TBCD: variants seen among roughly 807,000 people sequenced by gnomAD.
The protein encoded by TBCD is tubulin folding cofactor D.
TBCD carries 105 observed loss-of-function variants against 169.3 expected under a neutral mutation model. That is an observed-to-expected ratio of 0.62 (90% confidence interval 0.53 to 0.73). The LOEUF (loss-of-function observed/expected upper bound fraction) is 0.73, where lower values mean the gene tolerates loss of function less well. Ranked by LOEUF, TBCD falls within the 30% of genes least tolerant of loss-of-function variation. The probability of loss-of-function intolerance (pLI) is 0.00; values close to 1 mark genes in which losing one functional copy is unlikely to be tolerated. For missense variants in TBCD, 1,444 were observed against 1,600.1 expected (o/e 0.90, Z 1.66); for synonymous variants, 700 against 643.9 (o/e 1.09, Z -1.32).
chr17:82,824,549 C>T (rs1053698070), intron 13 of TBCD, among the ~76,000 whole-genome samples: 1 of 152,094 alleles, frequency 6.6e-6, no homozygotes, highest in African/African-American at 2.4e-5. Flanking sequence ...TGGCTATTCA[C>T]AGGCCCAATC....
intron 1 of TBCD, among the ~76,000 whole-genome samples, chr17:82,752,751 G>C (rs1598353477): frequency 6.6e-6 from 1 of 152,218 alleles, no homozygotes; most frequent in African/African-American, 2.4e-5. Flanking sequence ...CCTCCGGACA[G>C]CTGGTCAGCC....
In TBCD at chr17:82,938,148, C is replaced by T. The variant is rs773656801; in HGVS notation, c.3369+12C>T. The T allele has an allele frequency of 9.3e-6, 15 of 1,609,850 alleles. 1 individual carries two copies. In the Admixed American group the frequency reaches 2.5e-4, roughly 27 times the overall value. ...ACCGTTTCCCGCTGGTGAGTGCCTG[C>T]CCCTGCTCACGTGTGTTTGCCGTGT... On this transcript the variant is annotated intron_variant, in intron 36 of 38. Transcript: ENST00000355528.
At chr17:82,801,782 G>A (rs1454442586) in intron 9 of TBCD, among the ~76,000 whole-genome samples, 30 of 144,042 alleles carry the variant, frequency 2.1e-4, no homozygotes, top group African/African-American at 7.3e-4. Context: ...GGAGGGCGGC[G>A]TGTGCATCGT....
chr17:82,797,886 C>A (rs1401390139), intron 8 of TBCD, 84 bp downstream of exon 8: 1 of 994,700 alleles, frequency 1.0e-6, no homozygotes, highest in Non-Finnish European at 1.4e-6. Flanking sequence ...ACATTTTATT[C>A]ATAGATATAG....
At chr17:82,892,444 A>G (rs997255085) in intron 16 of TBCD, among the ~76,000 whole-genome samples, 2 of 152,006 alleles carry the variant, frequency 1.3e-5, no homozygotes, top group East Asian at 1.9e-4. Flanking sequence ...AGTTTATGGT[A>G]TCTCCATCAG....
intron 37 of TBCD, among the ~76,000 whole-genome samples, chr17:82,940,449 C>G (rs1397121755): frequency 6.6e-6 from 1 of 152,178 alleles, no homozygotes; most frequent in Non-Finnish European, 1.5e-5. Context: ...GGGTCCACGC[C>G]CCTTGTTGAA....
At chr17:82,859,632 T>C in intron 13 of TBCD, 2 of 984,948 alleles carry the variant, frequency 2.0e-6, no homozygotes, top group Non-Finnish European at 2.4e-6. Context: ...GGACAAAGAG[T>C]GGAGGTTGGA....
intron 7 of TBCD, among the ~76,000 whole-genome samples, chr17:82,791,193 G>A (rs1282186834): frequency 2.0e-5 from 3 of 149,048 alleles, no homozygotes; most frequent in South Asian, 4.3e-4. Context: ...CCGGGTTCAC[G>A]CCATTCTCCT....
intron 20 of TBCD, among the ~76,000 whole-genome samples, chr17:82,906,581 G>A (rs887903881): frequency 7.2e-5 from 11 of 152,234 alleles, no homozygotes; most frequent in Non-Finnish European, 1.0e-4. Context: ...GTAAGGCATC[G>A]ACTGTCGTCT....
At position 82,922,732 on chromosome 17, in the gene TBCD, C is replaced by G. The variant is rs1238388002; in HGVS notation, c.2179-920C>G. Reference sequence around the variant, plus strand: ...GCAGCACCCTGTAGACGACGCACCTCCTCTGCTCATGGCCCCCACCTGCCC... The same window carrying G: ...GCAGCACCCTGTAGACGACGCACCTGCTCTGCTCATGGCCCCCACCTGCCC... On this transcript the variant is annotated intron_variant, in intron 25 of 38. Transcript: ENST00000355528. The surrounding 1 kb of genome is among the most constrained non-coding windows in gnomAD (Gnocchi z 4.1). Among the ~76,000 whole-genome samples, 1 of 152,242 alleles carries G rather than the reference C, an allele frequency of 6.6e-6. No individual in the cohort carries two copies. The highest frequency in any genetic ancestry group is 2.4e-5 in the African/African-American group (1 of 41,454).
chr17:82,796,276 C>T (rs1000504811), intron 7 of TBCD, among the ~76,000 whole-genome samples: 2 of 152,180 alleles, frequency 1.3e-5, no homozygotes, highest in South Asian at 2.1e-4. Flanking sequence ...CTCTGTAAAC[C>T]GATGACTTAG....
intron 14 of TBCD, chr17:82,877,095 C>G: frequency 1.6e-6 from 1 of 628,568 alleles, no homozygotes; most frequent in East Asian, 1.4e-4. Context: ...TTCAAGAATT[C>G]AGTGTAACAT....
intron 1 of TBCD, 78 bp downstream of exon 1, chr17:82,752,455 A>T: frequency 9.0e-7 from 1 of 1,106,364 alleles, no homozygotes; most frequent in Non-Finnish European, 1.1e-6. Context: ...CCGGGCGGGG[A>T]CCGCAGCCCG....
At chr17:82,866,643 G>GA (rs1200375018) in intron 13 of TBCD, among the ~76,000 whole-genome samples, 2 of 152,246 alleles carry the variant, frequency 1.3e-5, no homozygotes, top group Non-Finnish European at 2.9e-5. Context: ...GGCCTGGAAG[G>GA]AGGCTGGCTG....
At position 82,903,516 on chromosome 17, in the gene TBCD, A is replaced by T; in HGVS notation, c.1804+38A>T. 6.4e-7 allele frequency: 1 copy of T among 1,557,700 alleles called. No homozygotes were observed. Among genetic ancestry groups the T allele is most frequent in the South Asian group, 1.2e-5 (1 of 84,724 alleles). ...CCCGGCCGGCCTGCGGGCACCATGC[A>T]TGCACTGCAGAAAGGCCTGGGTTGC... On this transcript the variant is annotated intron_variant, in intron 19 of 38. Coordinates refer to ENST00000355528, the MANE Select transcript of TBCD (RefSeq NM_005993.5). The surrounding 1 kb of genome is among the most constrained non-coding windows in gnomAD (Gnocchi z 4.8).
At chr17:82,921,979 C>T (rs1330702554) in intron 25 of TBCD, among the ~76,000 whole-genome samples, 1 of 152,200 alleles carries the variant, frequency 6.6e-6, no homozygotes, top group African/African-American at 2.4e-5. Context: ...ACACATTGAC[C>T]TGGTCATGTT....
intron 37 of TBCD, among the ~76,000 whole-genome samples, chr17:82,940,219 G>GCACACACACACACACACACA (rs1422867605): frequency 0.012 from 1,134 of 94,520 alleles, 4 homozygotes; most frequent in Admixed American, 0.016. Flanking sequence ...ACTTGCACGC[G>GCACACACACACACACACACA]CGCACACACA....
chr17:82,927,780 G>T (rs909244678), intron 29 of TBCD, 125 bp from the exon 30 acceptor site: 10 of 782,644 alleles, frequency 1.3e-5, no homozygotes, highest in Admixed American at 2.1e-5. Context: ...CTGGCAGCGT[G>T]CCTGGGCTCT....
chr17:82,795,767 G>A (rs891597580), intron 7 of TBCD: 4 of 238,400 alleles, frequency 1.7e-5, no homozygotes, highest in Non-Finnish European at 2.7e-5. Flanking sequence ...GGCCTCTGCC[G>A]AGAAGACCAC....
Sources: allele counts gnomAD v4.1 joint callset (sites outside exome capture counted in the v4.1 genomes callset), GRCh38; gene constraint gnomAD v4.1.1; non-coding constraint Gnocchi (gnomAD v3.1); transcripts MANE v1.5; gene names NCBI Gene and HGNC (gene_info 2026-07-23, HGNC 2026-07-21).